Variants in SPATC1 observed in about 807,000 individuals in gnomAD.
The protein encoded by SPATC1 is speriolin.
A neutral mutation model predicts 36.5 loss-of-function variants in SPATC1; 35 were observed. That is an observed-to-expected ratio of 0.96 (90% CI 0.73 to 1.27). SPATC1 has a LOEUF of 1.27. SPATC1 is among the 50% of genes most tolerant of loss of function. The pLI, the probability that SPATC1 is intolerant of heterozygous loss-of-function variation, is 0.00. For missense variants in SPATC1, 779 were observed against 796.0 expected (o/e 0.98, Z 0.26); for synonymous variants, 361 against 353.6 (o/e 1.02, Z -0.24).
At chr8:144,030,645 C>T (rs2133125436) in intron 1 of SPATC1, among the ~76,000 whole-genome samples, 1 of 152,312 alleles carries the variant, frequency 6.6e-6, no homozygotes, top group Admixed American at 6.5e-5. Flanking sequence ...AGGCATGAGC[C>T]ACCATGCCTG....
intron 1 of SPATC1, among the ~76,000 whole-genome samples, chr8:144,023,449 T>C (rs1426115830): frequency 1.7e-4 from 5 of 29,580 alleles, no homozygotes; most frequent in South Asian, 1.6e-3. Context: ...TCTAAGGACC[T>C]TCTTCCCTGA....
chr8:144,020,562 CTCTCCCCTCAGGACCT>C lies in SPATC1; in HGVS notation c.211+7848_211+7863del, dbSNP rs1409833632. On this transcript the variant is annotated intron_variant, in intron 1 of 4. Coordinates refer to ENST00000377470, the MANE Select transcript of SPATC1 (RefSeq NM_198572.3). ...CTCAGGACCCTCTTCCTTCAGTATC[CTCTCCCCTCAGGACCT>C]TCTCCCCTCAGAACCCTCTCCCCTC... 1.8e-3 allele frequency among the ~76,000 whole-genome samples: 264 copies of C among 145,572 alleles called. 1 individual carries two copies. The highest frequency in any genetic ancestry group is 2.8e-3 in the Non-Finnish European group (183 of 65,816).
chr8:144,018,718 C>A (rs1343507869), intron 1 of SPATC1, among the ~76,000 whole-genome samples: 2 of 151,448 alleles, frequency 1.3e-5, no homozygotes, highest in African/African-American at 4.9e-5. Context: ...AAGGATGGAG[C>A]GGGGAAGGTC....
At chr8:144,026,987 C>CTTTTTTTTTTTTT (rs1169014232) in intron 1 of SPATC1, among the ~76,000 whole-genome samples, 130 of 114,268 alleles carry the variant, frequency 1.1e-3, no homozygotes, top group Non-Finnish European at 1.4e-3. Context: ...TTTTTTTTTT[C>CTTTTTTTTTTTTT]TTTTTTTTTT....
chr8:144,045,640 C>G lies in SPATC1; in HGVS notation c.1447-987C>G, dbSNP rs1587539866. ...CAGGAGGAGCTTGGGCAGGGGATAG[C>G]CCACCCAACTCCACTTTAGACCCGT... On this transcript the variant is annotated intron_variant, in intron 4 of 4. Transcript: ENST00000377470. The surrounding 1 kb of genome is among the most constrained non-coding windows in gnomAD (Gnocchi z 5.2). Among the ~76,000 whole-genome samples the G allele has an allele frequency of 6.6e-6, 1 of 152,226 alleles. No homozygotes were observed. Among genetic ancestry groups the G allele is most frequent in the African/African-American group, 2.4e-5 (1 of 41,460 alleles).
chr8:144,046,564 C>A lies in SPATC1; in HGVS notation c.1447-63C>A. ...AGCCTCACCTGCCCCTCGGTCTTCC[C>A]CTTACCTGCCTGTGTGTGGAGGTGT... is the stretch of plus-strand genomic sequence containing the variant. On this transcript the variant is annotated intron_variant, in intron 4 of 4. Coordinates refer to ENST00000377470, the MANE Select transcript of SPATC1 (RefSeq NM_198572.3). This position sits in a 1 kb window ranked among gnomAD's most constrained non-coding sequence, Gnocchi z 6.6. The A allele has an allele frequency of 6.7e-7, 1 of 1,497,218 alleles. No homozygotes were observed. Among genetic ancestry groups the A allele is most frequent in the African/African-American group, 1.4e-5 (1 of 73,026 alleles). The allele number at this position is 1,497,218 out of a possible 1,614,324, so 92.7% of individuals were successfully genotyped here. A position where few individuals can be genotyped will look rare whatever the true frequency, so the allele number is the denominator to read the frequency against.
chr8:144,021,108 C>T (rs1834517301), intron 1 of SPATC1, among the ~76,000 whole-genome samples: 4 of 135,592 alleles, frequency 3.0e-5, no homozygotes, highest in South Asian at 2.5e-4. Flanking sequence ...CCTCATAACC[C>T]ACTTTCTCCC....
intron 1 of SPATC1, among the ~76,000 whole-genome samples, chr8:144,031,485 C>CA (rs1342235350): frequency 1.6e-5 from 2 of 123,532 alleles, no homozygotes; most frequent in East Asian, 5.0e-4. Context: ...GATAGGGTCT[C>CA]ACTACGTTGC....
At chr8:144,042,284 A>AATATATATATATATAT (rs1554756220) in intron 4 of SPATC1, among the ~76,000 whole-genome samples, 16 of 36,296 alleles carry the variant, frequency 4.4e-4, no homozygotes, top group African/African-American at 2.4e-3. Context: ...ACGCCCAGCT[A>AATATATATATATATAT]ATATATATAT....
At chr8:144,043,139 C>T (rs1400824107) in intron 4 of SPATC1, among the ~76,000 whole-genome samples, 1 of 151,574 alleles carries the variant, frequency 6.6e-6, no homozygotes, top group Admixed American at 6.6e-5. Context: ...ATTACAGGCA[C>T]CCGCCACCAC....
At chr8:144,037,494 T>A (rs372702680) in intron 1 of SPATC1, among the ~76,000 whole-genome samples, 26 of 152,234 alleles carry the variant, frequency 1.7e-4, no homozygotes, top group South Asian at 1.0e-3. Context: ...ATCCTGTTGA[T>A]CTGTGACCTT....
intron 4 of SPATC1, among the ~76,000 whole-genome samples, chr8:144,042,304 TA>T (rs1835129603): frequency 7.7e-4 from 53 of 68,422 alleles, no homozygotes; most frequent in East Asian, 2.7e-3. Context: ...TATATATATA[TA>T]TATATATTTT....
chr8:144,035,290 G>C, intron 1 of SPATC1, among the ~76,000 whole-genome samples: 1 of 152,306 alleles, frequency 6.6e-6, no homozygotes, highest in Admixed American at 6.5e-5. Flanking sequence ...GGGCAGCATG[G>C]GAAGAAAGTG....
At chr8:144,038,917 T>G (rs1360489311) in intron 1 of SPATC1, among the ~76,000 whole-genome samples, 1 of 152,090 alleles carries the variant, frequency 6.6e-6, no homozygotes, top group African/African-American at 2.4e-5. Flanking sequence ...GGTGGAAGTA[T>G]TTACCTCCAG....
intron 1 of SPATC1, among the ~76,000 whole-genome samples, chr8:144,029,602 T>A (rs2133124018): frequency 6.6e-6 from 1 of 152,094 alleles, no homozygotes; most frequent in East Asian, 1.9e-4. Context: ...GAGTGTGTTG[T>A]TTCATTTCCA....
chr8:144,029,727 G>C (rs1834757135), intron 1 of SPATC1, among the ~76,000 whole-genome samples: 1 of 151,838 alleles, frequency 6.6e-6, no homozygotes, highest in East Asian at 1.9e-4. Context: ...CTTTTTTTGT[G>C]ATCCATCCTG....
At chr8:144,023,756 T>C (rs1182866306) in intron 1 of SPATC1, among the ~76,000 whole-genome samples, 22 of 268 alleles carry the variant, frequency 0.082, 9 homozygotes, top group African/African-American at 0.11. Context: ...ACTCTCTTCC[T>C]TCAGAACCCT....
chr8:144,032,461 A>G (rs1046291358), intron 1 of SPATC1, among the ~76,000 whole-genome samples: 2 of 151,930 alleles, frequency 1.3e-5, no homozygotes, highest in Non-Finnish European at 2.9e-5. Context: ...TATTCTTAGT[A>G]GAGACAGGGT....
chr8:144,039,410 C>G (rs77177458), intron 1 of SPATC1, among the ~76,000 whole-genome samples: 7 of 152,232 alleles, frequency 4.6e-5, no homozygotes, highest in Non-Finnish European at 1.0e-4. Context: ...GAGGCTCTGC[C>G]CATTGCAGCA....
Sources: allele counts gnomAD v4.1 joint callset (sites outside exome capture counted in the v4.1 genomes callset), GRCh38; gene constraint gnomAD v4.1.1; non-coding constraint Gnocchi (gnomAD v3.1); transcripts MANE v1.5; gene names NCBI Gene and HGNC (gene_info 2026-07-23, HGNC 2026-07-21).